Variants in PDE1A observed in about 807,000 individuals in gnomAD.
The protein encoded by PDE1A is dual specificity calcium/calmodulin-dependent 3',5'-cyclic nucleotide phosphodiesterase 1A.
PDE1A carries 35 observed loss-of-function variants against 61.7 expected under a neutral mutation model. The observed-to-expected ratio is 0.57, with a 90% CI of 0.43 to 0.75. The LOEUF is 0.75. Ranked by LOEUF, PDE1A falls within the 30% of genes least tolerant of loss-of-function variation. PDE1A has a pLI of 0.00. For missense variants in PDE1A, 597 were observed against 630.6 expected (o/e 0.95, Z 0.57); for synonymous variants, 232 against 213.2 (o/e 1.09, Z -0.77).
At chr2:182,151,290 A>G (rs1690765892) in intron 13 of PDE1A, among the ~76,000 whole-genome samples, 1 of 152,022 alleles carries the variant, frequency 6.6e-6, no homozygotes, top group Non-Finnish European at 1.5e-5. Flanking sequence ...TTTTTCATAG[A>G]CACAGGTTTC....
intron 1 of PDE1A, among the ~76,000 whole-genome samples, chr2:182,413,896 G>A (rs1702764640): frequency 6.6e-6 from 1 of 152,124 alleles, no homozygotes; most frequent in African/African-American, 2.4e-5. Flanking sequence ...ACAAGGTTTG[G>A]AGAGATAAGC....
rs533293360 is a variant in PDE1A at position 182,356,740 on chromosome 2, T to C, written c.53+69838A>G. ...TAGAGTGAGACTGCCTCAAAAAAAA[T>C]TAAAAGCACTATTCACAATAGCAAA... On this transcript the variant is annotated intron_variant, in intron 1 of 13. Transcript: ENST00000351439. Among the ~76,000 whole-genome samples, 450 of 151,968 alleles carry C rather than the reference T, an allele frequency of 3.0e-3. 1 individual carries two copies. The highest frequency in any genetic ancestry group is 0.01 in the African/African-American group (427 of 41,452).
At chr2:182,158,164 T>C (rs898292140) in intron 13 of PDE1A, among the ~76,000 whole-genome samples, 1 of 152,208 alleles carries the variant, frequency 6.6e-6, no homozygotes, top group Non-Finnish European at 1.5e-5. Flanking sequence ...CTTGGATGTA[T>C]ATGCAAGTTG....
intron 1 of PDE1A, among the ~76,000 whole-genome samples, chr2:182,353,140 T>C (rs369479552): frequency 1.2e-4 from 18 of 152,194 alleles, no homozygotes; most frequent in Admixed American, 3.3e-4. Context: ...AACAGACACT[T>C]GCTCATGGCA....
the PDE1A span, among the ~76,000 whole-genome samples, chr2:182,618,323 T>C: frequency 1.3e-5 from 2 of 152,246 alleles, no homozygotes; most frequent in Non-Finnish European, 2.9e-5. Context: ...TAATACTCCA[T>C]TCTTATCACA....
chr2:182,687,678 C>T, the PDE1A span, among the ~76,000 whole-genome samples: 20 of 152,240 alleles, frequency 1.3e-4, no homozygotes, highest in Admixed American at 2.0e-4. Context: ...CAAAGCTGGA[C>T]GGAGAATGAC....
chr2:182,676,565 G>T, the PDE1A span, among the ~76,000 whole-genome samples: 6 of 151,888 alleles, frequency 4.0e-5, no homozygotes, highest in African/African-American at 1.5e-4. Flanking sequence ...CAACTCACTG[G>T]GAGGCCAGCA....
intron 1 of PDE1A, among the ~76,000 whole-genome samples, chr2:182,384,903 A>T (rs957870361): frequency 6.6e-6 from 1 of 152,184 alleles, no homozygotes; most frequent in African/African-American, 2.4e-5. Context: ...AAAGACAAGG[A>T]GAAGACTGAA....
intron 2 of PDE1A, among the ~76,000 whole-genome samples, chr2:182,473,890 G>A (rs150876602): frequency 2.1e-4 from 32 of 151,830 alleles, no homozygotes; most frequent in African/African-American, 7.0e-4. Flanking sequence ...TGTCTATCAC[G>A]ATGGGCATTT....
intron 1 of PDE1A, among the ~76,000 whole-genome samples, chr2:182,352,783 T>A (rs1369786044): frequency 6.6e-6 from 1 of 152,038 alleles, no homozygotes; most frequent in South Asian, 2.1e-4. Context: ...AGATAAGATT[T>A]TGTAAACAAA....
chr2:182,400,934 C>T (rs1291244143), intron 1 of PDE1A, among the ~76,000 whole-genome samples: 9 of 152,144 alleles, frequency 5.9e-5, no homozygotes, highest in African/African-American at 1.9e-4. Context: ...TTAATGATTC[C>T]TATCAGAGAG....
exon 5 of PDE1A, chr2:182,231,078 C>T (rs907157533): frequency 2.5e-6 from 4 of 1,610,284 alleles, no homozygotes; most frequent in Non-Finnish European, 3.4e-6. Flanking sequence ...TCAGACTATG[C>T]TCTCCACTTG....
At chr2:182,222,318 C>T (rs1040296174) in intron 7 of PDE1A, among the ~76,000 whole-genome samples, 2 of 151,910 alleles carry the variant, frequency 1.3e-5, no homozygotes, top group African/African-American at 4.8e-5. Flanking sequence ...ATTATTTCAG[C>T]TCTATGACAT....
At chr2:182,443,700 CT>C (rs1213330952) in intron 2 of PDE1A, among the ~76,000 whole-genome samples, 4,598 of 134,214 alleles carry the variant, frequency 0.034, 91 homozygotes, top group African/African-American at 0.07. Context: ...TTCTTTTTTC[CT>C]TTTTTTTTTT....
At chr2:182,535,087 A>G in the PDE1A span, among the ~76,000 whole-genome samples, 13 of 151,936 alleles carry the variant, frequency 8.6e-5, no homozygotes, top group Admixed American at 4.6e-4. Context: ...TTTTTTATAT[A>G]TAAGTACTGT....
At chr2:182,148,149 A>G (rs1690592239) in intron 13 of PDE1A, among the ~76,000 whole-genome samples, 1 of 152,226 alleles carries the variant, frequency 6.6e-6, no homozygotes, top group African/African-American at 2.4e-5. Flanking sequence ...CTGTGATCAC[A>G]TTAAGTTGCC....
the PDE1A span, among the ~76,000 whole-genome samples, chr2:182,597,047 AGAGGCT>A: frequency 6.6e-6 from 1 of 151,954 alleles, no homozygotes; most frequent in Non-Finnish European, 1.5e-5. Flanking sequence ...CAGCTGCTCA[AGAGGCT>A]GAGGTGGGAA....
At chr2:182,352,548 G>A (rs1022259886) in intron 1 of PDE1A, among the ~76,000 whole-genome samples, 8 of 151,706 alleles carry the variant, frequency 5.3e-5, no homozygotes, top group African/African-American at 1.9e-4. Context: ...ACTAAGAAAG[G>A]GAAGAAAGAG....
chr2:182,442,502 G>C (rs1003421330), intron 2 of PDE1A, among the ~76,000 whole-genome samples: 1 of 151,906 alleles, frequency 6.6e-6, no homozygotes, highest in Non-Finnish European at 1.5e-5. Context: ...TAAATTATTT[G>C]ATTTCATTTG....
Sources: gnomAD v4.1 joint callset for allele counts (sites outside exome capture counted in the v4.1 genomes callset) on GRCh38, gnomAD v4.1.1 for gene constraint, MANE v1.5 for transcripts, NCBI Gene and HGNC (gene_info 2026-07-23, HGNC 2026-07-21) for gene names.